MOV10L1: variants seen among roughly 807,000 people sequenced by gnomAD.
MOV10L1 encodes RNA helicase Mov10l1.
MOV10L1 carries 110 observed loss-of-function variants against 143.8 expected under a neutral mutation model. The ratio of observed to expected loss-of-function variants is 0.76; its 90% confidence interval spans 0.66 to 0.90. The LOEUF (loss-of-function observed/expected upper bound fraction) is 0.90, where lower values mean the gene tolerates loss of function less well. Among genes scored for constraint, MOV10L1 ranks in the 40% least tolerant of loss-of-function variants. MOV10L1 has a pLI of 0.00. For synonymous variants in MOV10L1, 593 were observed against 581.1 expected, an observed-to-expected ratio of 1.02 and a Z score of -0.29; for missense variants, 1,406 against 1,526.8, an observed-to-expected ratio of 0.92 and a Z score of 1.32.
In MOV10L1 at chr22:50,149,645, C is replaced by T. The variant is rs1391923407; in HGVS notation, c.2658C>T (p.Asp886=). Residue 886 remains aspartate (D), a synonymous_variant, in exon 20 of 27, where the codon GAC becomes GAT. Coordinates refer to ENST00000262794, the MANE Select transcript of MOV10L1 (RefSeq NM_018995.3). The part of the protein sequence containing the change: ...RVGHFTHVFV[D]EAGQASEPEC... ...GGCACTTCACTCACGTGTTTGTGGACGAGGCTGGGCAGGCAAGTGAGCCGG... is the reference window on the plus strand; with the variant it reads ...GGCACTTCACTCACGTGTTTGTGGATGAGGCTGGGCAGGCAAGTGAGCCGG... 5 of 1,614,136 alleles carry T rather than the reference C, an allele frequency of 3.1e-6. No homozygotes were observed. The highest frequency in any genetic ancestry group is 2.2e-5 in the East Asian group (1 of 44,880).
At chr22:50,105,460 T>C (rs1427870317) in intron 3 of MOV10L1, among the ~76,000 whole-genome samples, 3 of 152,222 alleles carry the variant, frequency 2.0e-5, no homozygotes, top group African/African-American at 7.2e-5. Flanking sequence ...AAGTCCAGTC[T>C]TAGAATTTGA....
chr22:50,098,212 A>AATTCAGT (rs2062639231), intron 2 of MOV10L1, among the ~76,000 whole-genome samples: 1 of 148,506 alleles, frequency 6.7e-6, no homozygotes, highest in Admixed American at 6.6e-5. Flanking sequence ...TCTTAATAAT[A>AATTCAGT]ATTAAGTATT....
At chr22:50,099,416 G>A (rs748000558) in intron 2 of MOV10L1, 27 bp from the exon 3 acceptor site, 2 of 1,610,902 alleles carry the variant, frequency 1.2e-6, no homozygotes, top group Non-Finnish European at 1.7e-6. Context: ...TCGTATTATG[G>A]TTTAGAGCGG....
chr22:50,121,238 G>C (rs1198136775), intron 10 of MOV10L1, among the ~76,000 whole-genome samples: 3 of 152,188 alleles, frequency 2.0e-5, no homozygotes, highest in Admixed American at 2.0e-4. Context: ...CTGTCCTAAG[G>C]AGAATGAAGG....
chr22:50,099,887 G>T (rs538911839), intron 3 of MOV10L1, among the ~76,000 whole-genome samples: 1 of 152,308 alleles, frequency 6.6e-6, no homozygotes, highest in South Asian at 2.1e-4. Flanking sequence ...AGGGTTTCGG[G>T]ATTAGAGTAG....
Position 50,129,596 on chromosome 22 carries a change from GA to G in MOV10L1, c.1910+1090del, listed in dbSNP as rs539095736. Among the ~76,000 whole-genome samples the G allele has an allele frequency of 2.3e-3, 354 of 152,308 alleles. 4 individuals carry two copies. The highest frequency in any genetic ancestry group is 7.9e-3 in the African/African-American group (330 of 41,558). On this transcript the variant is annotated intron_variant, in intron 13 of 26. Coordinates refer to ENST00000262794, the MANE Select transcript of MOV10L1 (RefSeq NM_018995.3). ...AGAGCTGCTGTGTATGTAGGGATGG[GA>G]TTGCTGGGTTTGGGGTTTTTCCAGC...
chr22:50,130,784 G>C (rs2062651166), intron 13 of MOV10L1, among the ~76,000 whole-genome samples: 1 of 152,220 alleles, frequency 6.6e-6, no homozygotes, highest in South Asian at 2.1e-4. Context: ...TCCAGGCCTG[G>C]ACTCCTTGAC....
rs1773848615 is a variant in MOV10L1, at chr22:50,120,600, A to T, written c.1553A>T (p.Gln518Leu). The change falls in exon 10 of 27, where the codon CAG becomes CTG. Residue 518 changes from glutamine (Q) to leucine (L), a missense_variant. Gln to Leu is a moderately radical substitution (Grantham distance 113). Coordinates refer to ENST00000262794, the MANE Select transcript of MOV10L1 (RefSeq NM_018995.3). Reference sequence around the variant, plus strand: ...CAAAAAATTGACATCCTGACTTTCCAGCCATTACTTGCAGAGGTAGGAAGT... The same window carrying T: ...CAAAAAATTGACATCCTGACTTTCCTGCCATTACTTGCAGAGGTAGGAAGT... The part of the protein sequence containing the change: ...VEQKIDILTF[Q>L]PLLAELLNMS... 4 of 1,610,246 alleles carry T rather than the reference A, an allele frequency of 2.5e-6. No individual in the cohort carries two copies. The highest frequency in any genetic ancestry group is 8.5e-7 in the Non-Finnish European group (1 of 1,176,814).
chr22:50,144,376 G>A (rs924525266), intron 18 of MOV10L1, 133 bp downstream of exon 18: 6 of 1,161,810 alleles, frequency 5.2e-6, no homozygotes, highest in Non-Finnish European at 5.8e-6. Flanking sequence ...TTTGAGAAAT[G>A]GCTCTGCCAT....
chr22:50,126,406 G>T, intron 12 of MOV10L1, 134 bp downstream of exon 12: 1 of 549,746 alleles, frequency 1.8e-6, no homozygotes, highest in Non-Finnish European at 3.2e-6. Context: ...TCAAGATACA[G>T]TGAATCTTTA....
At position 50,116,446 on chromosome 22, in the gene MOV10L1, CAAA is replaced by C. The variant is rs559872532; in HGVS notation, c.1260-698_1260-696del. 5.5e-5 allele frequency among the ~76,000 whole-genome samples: 5 copies of C among 91,114 alleles called. No individual in the cohort carries two copies. The East Asian group carries it at 1.3e-3, about 23-fold the overall frequency. 59.8% of individuals were successfully genotyped at this position (91,114 alleles called of 152,430 possible). A position where few individuals can be genotyped will look rare whatever the true frequency, so the allele number is the denominator to read the frequency against. ...TGGGTGACAGAGCGAGACTCCGTCT[CAAA>C]AAAAAAAAAAAAGCCATAGGGGGGC... On this transcript the variant is annotated intron_variant, in intron 8 of 26. Transcript: ENST00000262794.
At chr22:50,160,556 GT>G (rs1448075715) in intron 24 of MOV10L1, 131 bp from the exon 25 acceptor site, 41 of 1,232,458 alleles carry the variant, frequency 3.3e-5, no homozygotes, top group Non-Finnish European at 4.5e-5. Context: ...CCGGCCTCCT[GT>G]TTCTTTTTGA....
chr22:50,148,315 G>C (rs2063206547), intron 19 of MOV10L1, among the ~76,000 whole-genome samples: 1 of 152,218 alleles, frequency 6.6e-6, no homozygotes, highest in African/African-American at 2.4e-5. Flanking sequence ...GGGAAGCCGG[G>C]GCACCTGTTC....
At position 50,159,658 on chromosome 22, in the gene MOV10L1, TC is replaced by T; in HGVS notation, c.3217-19del. ...TTTGTACAGTGTTATCTTTAGTCTT[TC>T]TTTTAATCTGTTCTCAAGGTGGAGA... On this transcript the variant is annotated intron_variant, in intron 23 of 26. Transcript: ENST00000262794. This position sits in a 1 kb window ranked among gnomAD's most constrained non-coding sequence, Gnocchi z 4.1. 6.7e-7 allele frequency: 1 copy of T among 1,488,114 alleles called. No individual in the cohort carries two copies. The highest frequency in any genetic ancestry group is 2.3e-5 in the East Asian group (1 of 44,084). The allele number at this position is 1,488,114 out of a possible 1,614,324, so 92.2% of individuals were successfully genotyped here.
intron 9 of MOV10L1, among the ~76,000 whole-genome samples, chr22:50,117,789 C>A (rs1362175911): frequency 1.3e-5 from 2 of 152,128 alleles, no homozygotes; most frequent in African/African-American, 4.8e-5. Flanking sequence ...TGTGGTACCA[C>A]TTAAGAATGG....
intron 22 of MOV10L1, among the ~76,000 whole-genome samples, chr22:50,157,420 G>C (rs899424662): frequency 6.6e-6 from 1 of 152,066 alleles, no homozygotes; most frequent in Non-Finnish European, 1.5e-5. Context: ...ACCTAATGTC[G>C]TGGGGCTTTT....
At chr22:50,155,804 G>T (rs1409711717) in intron 22 of MOV10L1, among the ~76,000 whole-genome samples, 22 of 152,178 alleles carry the variant, frequency 1.4e-4, no homozygotes, top group Admixed American at 1.4e-3. Context: ...TCTAGGGCCG[G>T]ATGTGGGAGG....
intron 7 of MOV10L1, among the ~76,000 whole-genome samples, 159 bp downstream of exon 7, chr22:50,114,781 C>G (rs529380159): frequency 6.6e-6 from 1 of 152,244 alleles, no homozygotes; most frequent in South Asian, 2.1e-4. Flanking sequence ...CTCTTGCTGA[C>G]GACGTTAGGG....
chr22:50,109,452 G>T (rs1355449552), intron 5 of MOV10L1, among the ~76,000 whole-genome samples: 1 of 151,854 alleles, frequency 6.6e-6, no homozygotes, highest in African/African-American at 2.4e-5. Context: ...GGTGAATCAT[G>T]AGGTCAGGGG....
Sources: allele counts gnomAD v4.1 joint callset (sites outside exome capture counted in the v4.1 genomes callset), GRCh38; gene constraint gnomAD v4.1.1; non-coding constraint Gnocchi (gnomAD v3.1); transcripts MANE v1.5; gene names NCBI Gene and HGNC (gene_info 2026-07-23, HGNC 2026-07-21).